The following GNA14 variants were observed in gnomAD, a reference collection of about 807,000 sequenced individuals.
GNA14 encodes the protein G protein subunit alpha 14.
Under a neutral mutation model 42.0 loss-of-function variants are expected in GNA14, and 50 were observed. The ratio of observed to expected loss-of-function variants is 1.19; its 90% CI spans 0.95 to 1.51. The LOEUF (loss-of-function observed/expected upper bound fraction) is 1.51. Among genes scored for constraint, GNA14 ranks in the 40% most tolerant of loss-of-function variants. The pLI is 0.00. For missense variants in GNA14, 473 were observed against 446.2 expected (o/e 1.06, Z -0.54); for synonymous variants, 173 against 163.1 (o/e 1.06, Z -0.46).
At chr9:77,449,766 C>T (rs1362424468) in intron 2 of GNA14, among the ~76,000 whole-genome samples, 1 of 152,234 alleles carries the variant, frequency 6.6e-6, no homozygotes, top group East Asian at 1.9e-4. Flanking sequence ...ATTAGTTTAA[C>T]ACCAGCTAGG....
intron 1 of GNA14, among the ~76,000 whole-genome samples, chr9:77,616,377 T>C (rs1396710608): frequency 6.6e-6 from 1 of 152,244 alleles, no homozygotes; most frequent in African/African-American, 2.4e-5. Context: ...GAACGGATAC[T>C]GTTCCACTGT....
intron 2 of GNA14, among the ~76,000 whole-genome samples, chr9:77,475,920 C>A (rs1836413781): frequency 1.3e-5 from 2 of 152,106 alleles, no homozygotes; most frequent in African/African-American, 4.8e-5. Context: ...TGGGCATATC[C>A]CCTTAGCCCC....
chr9:77,584,918 A>G (rs1405449464), intron 1 of GNA14, among the ~76,000 whole-genome samples: 2 of 152,084 alleles, frequency 1.3e-5, no homozygotes, highest in Admixed American at 6.5e-5. Flanking sequence ...GAGTGTAGCC[A>G]TGAGGACAAT....
chr9:77,488,784 T>TAAAAAAAAAACAAAAAAAA (rs1836703523), intron 2 of GNA14, among the ~76,000 whole-genome samples: 1 of 53,684 alleles, frequency 1.9e-5, no homozygotes, highest in African/African-American at 8.6e-5. Flanking sequence ...CACACCTAAT[T>TAAAAAAAAAACAAAAAAAA]AAAAAAAAAA....
intron 1 of GNA14, among the ~76,000 whole-genome samples, chr9:77,624,494 G>T (rs1322308528): frequency 1.3e-5 from 2 of 152,068 alleles, no homozygotes; most frequent in Non-Finnish European, 2.9e-5. Flanking sequence ...TCCCAGCGGG[G>T]GTCGACAGAC....
chr9:77,530,501 CA>C (rs1564044980), intron 1 of GNA14, among the ~76,000 whole-genome samples: 1 of 152,164 alleles, frequency 6.6e-6, no homozygotes, highest in Non-Finnish European at 1.5e-5. Context: ...GGGATTTCTT[CA>C]TAGCAATGTG....
chr9:77,621,450 G>T (rs1178879599), intron 1 of GNA14, among the ~76,000 whole-genome samples: 1 of 152,198 alleles, frequency 6.6e-6, no homozygotes, highest in African/African-American at 2.4e-5. Flanking sequence ...AAGTGTGCAT[G>T]CAAGTGCACA....
In GNA14 at chr9:77,506,283, T is replaced by TAA. The variant is rs199978059; in HGVS notation, c.309+22784_309+22785dup. 5.9e-3 allele frequency among the ~76,000 whole-genome samples: 742 copies of TAA among 126,814 alleles called. 9 individuals are homozygous for TAA. The highest frequency in any genetic ancestry group is 0.021 in the African/African-American group (699 of 34,054). The allele number at this position is 126,814 out of a possible 152,430, so 83.2% of individuals were successfully genotyped here. A position where few individuals can be genotyped will look rare whatever the true frequency, so the allele number is the denominator to read the frequency against. On this transcript the variant is annotated intron_variant, in intron 2 of 6. Coordinates refer to ENST00000341700, the MANE Select transcript of GNA14 (RefSeq NM_004297.4). ...ACCAACAGAGTGAGACCCTGTCTCT[T>TAA]AAAAAAAAAAAAAAAAAGAAATGAG...
At chr9:77,635,038 G>T (rs1824160019) in intron 1 of GNA14, among the ~76,000 whole-genome samples, 1 of 152,030 alleles carries the variant, frequency 6.6e-6, no homozygotes, top group African/African-American at 2.4e-5. Context: ...ATTTCAATAG[G>T]TTTTTTTGGG....
intron 1 of GNA14, among the ~76,000 whole-genome samples, chr9:77,556,633 G>A (rs7858275): frequency 0.12 from 18,902 of 152,014 alleles, 1,275 homozygotes; most frequent in African/African-American, 0.17. Flanking sequence ...TGTGCTCAGA[G>A]TTCTCCCCCT....
chr9:77,541,129 A>C (rs1264481230), intron 1 of GNA14, among the ~76,000 whole-genome samples: 1 of 151,612 alleles, frequency 6.6e-6, no homozygotes, highest in Non-Finnish European at 1.5e-5. Context: ...AATGGGTTTT[A>C]TATTCTCGTG....
intron 2 of GNA14, among the ~76,000 whole-genome samples, chr9:77,489,114 G>A (rs1199417951): frequency 2.6e-5 from 4 of 151,988 alleles, no homozygotes; most frequent in African/African-American, 9.7e-5. Flanking sequence ...ATGGAACTGA[G>A]CAATACATCT....
At position 77,647,726 on chromosome 9, in the gene GNA14, C is replaced by T. The variant is rs1824381783; in HGVS notation, c.68G>A (p.Arg23Gln). 6.2e-7 allele frequency: 1 copy of T among 1,609,926 alleles called. No homozygotes were observed. Among genetic ancestry groups the T allele is most frequent in the Admixed American group, 1.7e-5 (1 of 59,554 alleles). ...GTCCTTCTTGTCCCGACGAAGCTGT[C>T]GCTCGATCTCCGCGCTGATGCGCTG... Reference protein sequence around the residue: ...ESQRISAEIERQLRRDKKDAR... With the variant: ...ESQRISAEIEQQLRRDKKDAR... The change falls in exon 1 of 7, where the codon CGA (arginine) becomes CAA (glutamine). Residue 23 changes from arginine to glutamine, a missense_variant. Transcript: ENST00000341700.
intron 2 of GNA14, among the ~76,000 whole-genome samples, chr9:77,493,026 A>AAAAAATATATATATATATATAT (rs1554691641): frequency 3.9e-5 from 2 of 51,726 alleles, no homozygotes; most frequent in Non-Finnish European, 3.3e-5. Flanking sequence ...AAAAAAAAAA[A>AAAAAATATATATATATATATAT]ATATATATAT....
intron 2 of GNA14, among the ~76,000 whole-genome samples, chr9:77,463,488 G>A (rs1836154892): frequency 6.6e-6 from 1 of 152,212 alleles, no homozygotes; most frequent in South Asian, 2.1e-4. Flanking sequence ...CCCGGGGTAG[G>A]ACCAAGGCCA....
At chr9:77,441,671 G>A (rs2131697386) in intron 2 of GNA14, among the ~76,000 whole-genome samples, 1 of 151,884 alleles carries the variant, frequency 6.6e-6, no homozygotes, top group Non-Finnish European at 1.5e-5. Context: ...TATAAGCTTT[G>A]ATATCTATAA....
chr9:77,424,119 G>C lies in GNA14; in HGVS notation c.928C>G (p.Gln310Glu). The C allele has an allele frequency of 6.2e-7, 1 of 1,612,660 alleles. No homozygotes were observed. Among genetic ancestry groups the C allele is most frequent in the Non-Finnish European group, 8.5e-7 (1 of 1,179,120 alleles). The part of the protein sequence containing the change: ...AARDFILKLY[Q>E]DQNPDKEKVI... ...TTCTCTTTGTCAGGATTCTGATCTT[G>C]GTAAAGCTTCAGGATAAAGTCTCTG... Residue 310 changes from glutamine (Q) to glutamate (E), a missense_variant, in exon 7 of 7, where the codon CAA becomes GAA. Physicochemically the swap from Gln to Glu is conservative, Grantham distance 29. Transcript: ENST00000341700.
chr9:77,577,066 T>C (rs1220294843), intron 1 of GNA14, among the ~76,000 whole-genome samples: 4 of 152,162 alleles, frequency 2.6e-5, no homozygotes, highest in Non-Finnish European at 5.9e-5. Flanking sequence ...ACAGTTATAC[T>C]CCTATTTTCT....
At chr9:77,568,130 A>T (rs565303180) in intron 1 of GNA14, among the ~76,000 whole-genome samples, 1 of 152,098 alleles carries the variant, frequency 6.6e-6, no homozygotes, top group Non-Finnish European at 1.5e-5. Flanking sequence ...GTCCTGGCTC[A>T]CCTAGCATAG....
Sources: allele counts gnomAD v4.1 joint callset (sites outside exome capture counted in the v4.1 genomes callset), GRCh38; gene constraint gnomAD v4.1.1; transcripts MANE v1.5; gene names NCBI Gene and HGNC (gene_info 2026-07-23, HGNC 2026-07-21).